Variants in ELF2 observed in about 807,000 individuals in gnomAD.
The protein encoded by ELF2 is E74 like ETS transcription factor 2, also known as ETS-related transcription factor Elf-2.
In ELF2, 11 loss-of-function variants were observed where a neutral mutation model predicts 54.8. That is an observed-to-expected ratio of 0.20 (90% CI 0.13 to 0.33). The LOEUF (loss-of-function observed/expected upper bound fraction) is 0.33. Ranked by LOEUF, ELF2 falls within the 10% of genes least tolerant of loss-of-function variation. The pLI, the probability that ELF2 is intolerant of heterozygous loss-of-function variation, is 1.00. For synonymous variants in ELF2, 203 were observed against 245.1 expected, an observed-to-expected ratio of 0.83 and a Z score of 1.61; for missense variants, 513 against 703.0, an observed-to-expected ratio of 0.73 and a Z score of 3.06.
intron 4 of ELF2, chr4:139,115,187 T>C (rs1374938077): frequency 9.9e-6 from 16 of 1,611,884 alleles, no homozygotes; most frequent in Non-Finnish European, 1.4e-5. Context: ...CGTAGCTCCT[T>C]GCGGTCATAC....
At chr4:139,137,598 A>G (rs1299531746) in intron 3 of ELF2, 32 bp downstream of exon 3, 1 of 1,596,854 alleles carries the variant, frequency 6.3e-7, no homozygotes, top group Non-Finnish European at 8.6e-7. Context: ...TTCTATGAAG[A>G]AAATAGAAAT....
At chr4:139,059,731 T>A in intron 9 of ELF2, 124 bp from the exon 10 acceptor site, 1 of 1,108,146 alleles carries the variant, frequency 9.0e-7, no homozygotes, top group Non-Finnish European at 1.3e-6. Context: ...TTTACAGAGG[T>A]ACTGGCAATC....
Position 139,137,703 on chromosome 4 carries a change from G to T in ELF2, c.-2C>A. The T allele has an allele frequency of 1.2e-6, 2 of 1,613,886 alleles. No individual in the cohort carries two copies. Among genetic ancestry groups the T allele is most frequent in the Non-Finnish European group, 1.7e-6 (2 of 1,179,974 alleles). On this transcript the variant is annotated 5_prime_UTR_variant, in exon 3 of 10. Coordinates refer to ENST00000686138, the MANE Select transcript of ELF2 (RefSeq NM_001331036.3). ...ACTGTCAACCACTGCTGATGTCATT[G>T]TTATTCCCTGAGGAAGCTTCAAACG...
intron 1 of ELF2, among the ~76,000 whole-genome samples, chr4:139,171,374 C>T (rs1398461561): frequency 1.3e-5 from 2 of 152,066 alleles, no homozygotes; most frequent in African/African-American, 4.8e-5. Context: ...GCACTCCAGC[C>T]AGCCCATTTA....
chr4:139,064,177 G>A (rs906992485), intron 7 of ELF2, among the ~76,000 whole-genome samples: 9 of 152,118 alleles, frequency 5.9e-5, no homozygotes, highest in African/African-American at 1.7e-4. Flanking sequence ...GCATGATGGC[G>A]GGTGCCTGTA....
chr4:139,115,354 C>G (rs1001597103), intron 4 of ELF2: 1 of 1,203,362 alleles, frequency 8.3e-7, no homozygotes. Context: ...CCGCGCCCCC[C>G]GCGGTGCCGC....
intron 4 of ELF2, among the ~76,000 whole-genome samples, chr4:139,123,834 T>C (rs1447038803): frequency 1.3e-5 from 2 of 152,212 alleles, no homozygotes; most frequent in Non-Finnish European, 2.9e-5. Flanking sequence ...AGTTACAATA[T>C]ATAATCCAAA....
Position 139,061,927 on chromosome 4 carries a change from C to A in ELF2, c.744G>T (p.Lys248Asn). Residue 248 changes from lysine to asparagine, a missense_variant, in exon 8 of 10, where the codon AAG (lysine) becomes AAT (asparagine). By Grantham distance (94) the Lys-to-Asn change is moderately conservative (BLOSUM62 0). Coordinates refer to ENST00000686138, the MANE Select transcript of ELF2 (RefSeq NM_001331036.3). Reference protein sequence around the residue: ...FKLVDSKAVSKLWGKHKNKPD... With the variant: ...FKLVDSKAVSNLWGKHKNKPD... ...GTTTGTTCTTATGCTTTCCCCAAAG[C>A]TTAGAGACAGCCTTTGAATCCACCA... is the stretch of plus-strand genomic sequence containing the variant. 1 of 1,613,878 alleles carries A rather than the reference C, an allele frequency of 6.2e-7. No homozygotes were observed. The highest frequency in any genetic ancestry group is 8.5e-7 in the Non-Finnish European group (1 of 1,179,836).
intron 3 of ELF2, among the ~76,000 whole-genome samples, chr4:139,135,051 A>T (rs759806929): frequency 6.6e-6 from 1 of 151,994 alleles, no homozygotes; most frequent in Non-Finnish European, 1.5e-5. Flanking sequence ...TACTTTTATA[A>T]TCAGGGGAAA....
intron 4 of ELF2, among the ~76,000 whole-genome samples, chr4:139,074,107 G>A (rs896124384): frequency 3.3e-5 from 5 of 152,084 alleles, no homozygotes; most frequent in African/African-American, 7.3e-5. Flanking sequence ...CAGCCTGGGC[G>A]ACAGAGTGAG....
intron 4 of ELF2, among the ~76,000 whole-genome samples, chr4:139,093,442 G>T (rs1560802383): frequency 2.6e-5 from 4 of 152,306 alleles, no homozygotes; most frequent in Non-Finnish European, 4.4e-5. Context: ...ATCAGTGAAA[G>T]CTACCTGGAT....
chr4:139,167,482 T>C (rs543271495), intron 1 of ELF2, among the ~76,000 whole-genome samples: 1 of 152,348 alleles, frequency 6.6e-6, no homozygotes, highest in Admixed American at 6.5e-5. Flanking sequence ...AAAACTATTT[T>C]ATAAACAAAT....
At chr4:139,074,916 T>C (rs1348656936) in intron 4 of ELF2, among the ~76,000 whole-genome samples, 1 of 152,174 alleles carries the variant, frequency 6.6e-6, no homozygotes, top group African/African-American at 2.4e-5. Flanking sequence ...GGAGACATCC[T>C]GGAACCAATA....
At chr4:139,061,196 TGA>T (rs371144733) in intron 8 of ELF2, among the ~76,000 whole-genome samples, 4 of 137,268 alleles carry the variant, frequency 2.9e-5, no homozygotes, top group Admixed American at 8.3e-5. Context: ...TTTTTTTTTT[TGA>T]GAGTCTCGCT....
At chr4:139,114,561 TCACACACACACACA>T (rs776035411) in intron 4 of ELF2, among the ~76,000 whole-genome samples, 4 of 108,636 alleles carry the variant, frequency 3.7e-5, no homozygotes, top group Non-Finnish European at 7.1e-5. Flanking sequence ...GACTTCAGTC[TCACACACACACACA>T]CACACACACA....
chr4:139,067,919 G>T, intron 6 of ELF2, 149 bp from the exon 7 acceptor site: 1 of 722,078 alleles, frequency 1.4e-6, no homozygotes, highest in Non-Finnish European at 2.2e-6. Context: ...TCTAAAAGGA[G>T]TATTACAAAC....
At chr4:139,091,656 A>AT (rs1013542766) in intron 4 of ELF2, among the ~76,000 whole-genome samples, 2 of 151,640 alleles carry the variant, frequency 1.3e-5, no homozygotes, top group Non-Finnish European at 2.9e-5. Flanking sequence ...GCTATTTTTT[A>AT]TTTTTTTGTA....
intron 4 of ELF2, among the ~76,000 whole-genome samples, chr4:139,116,017 A>AT (rs1433750811): frequency 6.6e-6 from 1 of 151,936 alleles, no homozygotes; most frequent in Non-Finnish European, 1.5e-5. Context: ...AATTTCTTGT[A>AT]TTTTTTAGTA....
intron 1 of ELF2, among the ~76,000 whole-genome samples, chr4:139,142,186 G>A (rs1738770399): frequency 6.6e-6 from 1 of 152,148 alleles, no homozygotes; most frequent in African/African-American, 2.4e-5. Flanking sequence ...TATTTGGCAG[G>A]GAGAGCTGCC....
Sources: allele counts gnomAD v4.1 joint callset (sites outside exome capture counted in the v4.1 genomes callset), GRCh38; gene constraint gnomAD v4.1.1; transcripts MANE v1.5; gene names NCBI Gene and HGNC (gene_info 2026-07-23, HGNC 2026-07-21).